The following SUMF1 variants were observed in gnomAD, a reference collection of about 807,000 sequenced individuals.
The protein encoded by SUMF1 is formylglycine-generating enzyme.
Under a neutral mutation model 47.6 loss-of-function variants are expected in SUMF1, and 48 were observed. That is an observed-to-expected ratio of 1.01 (90% CI 0.80 to 1.28). The LOEUF is 1.28. Ranked by LOEUF, SUMF1 falls within the 50% of genes most tolerant of loss-of-function variation. The pLI is 0.00. For synonymous variants in SUMF1, 230 were observed against 192.1 expected (o/e 1.20, Z -1.63); for missense variants, 571 against 485.4 (o/e 1.18, Z -1.66).
intron 8 of SUMF1, among the ~76,000 whole-genome samples, chr3:4,154,826 C>T (rs1277507024): frequency 6.6e-6 from 1 of 151,510 alleles, no homozygotes; most frequent in Non-Finnish European, 1.5e-5. Flanking sequence ...TGGGCAACCA[C>T]CGCATCCCAC....
chr3:4,362,248 A>C lies in SUMF1; in HGVS notation c.1021T>G (p.Cys341Gly), dbSNP rs1167385683. 1.9e-6 allele frequency: 3 copies of C among 1,613,914 alleles called. No individual in the cohort carries two copies. Among genetic ancestry groups the C allele is most frequent in the African/African-American group, 1.3e-5 (1 of 74,928 alleles). ...GGSYMCHRSY[C>G]YRYRCAARSQ... ...CGAGCAGCACAGCGATACCTGTAAC[A>C]ATAAGACTGTGTAGAGAGAAAGAGC... The change falls in exon 9 of 9, where the codon TGT becomes GGT. Residue 341 changes from cysteine to glycine, a missense_variant. Cys to Gly is a radical substitution (Grantham distance 159). Transcript: ENST00000272902.
At chr3:4,399,646 G>A (rs1701145028) in intron 7 of SUMF1, among the ~76,000 whole-genome samples, 1 of 152,180 alleles carries the variant, frequency 6.6e-6, no homozygotes, top group South Asian at 2.1e-4. Context: ...TCCAGGGAGA[G>A]CCCAGGTCAT....
chr3:4,184,544 G>GTGACC (rs1695161478), intron 8 of SUMF1, among the ~76,000 whole-genome samples: 1 of 151,972 alleles, frequency 6.6e-6, no homozygotes, highest in Non-Finnish European at 1.5e-5. Context: ...CAACGATCTT[G>GTGACC]AAGGTCATTT....
chr3:4,389,114 C>T (rs1392846063), intron 7 of SUMF1, among the ~76,000 whole-genome samples: 1 of 152,144 alleles, frequency 6.6e-6, no homozygotes, highest in Non-Finnish European at 1.5e-5. Flanking sequence ...TGTTTAAGAA[C>T]ATTCCTTTAG....
chr3:4,333,495 G>A (rs1430033469), intron 8 of SUMF1, among the ~76,000 whole-genome samples: 1 of 152,144 alleles, frequency 6.6e-6, no homozygotes, highest in Non-Finnish European at 1.5e-5. Flanking sequence ...GTGAGAAGCA[G>A]GTATAGCTGG....
intron 8 of SUMF1, among the ~76,000 whole-genome samples, chr3:4,226,264 C>CTT (rs869300368): frequency 0.015 from 1,288 of 86,964 alleles, no homozygotes; most frequent in Non-Finnish European, 0.02. Context: ...TTTTTTGTTT[C>CTT]TTTTTTTTTT....
chr3:4,063,046 A>T (rs1007553847), intron 9 of SUMF1, among the ~76,000 whole-genome samples: 3 of 152,172 alleles, frequency 2.0e-5, no homozygotes, highest in African/African-American at 7.2e-5. Flanking sequence ...TGCATTTTCA[A>T]TGCTTTATTT....
chr3:4,165,546 A>G (rs1249449995), intron 8 of SUMF1, among the ~76,000 whole-genome samples: 2 of 152,058 alleles, frequency 1.3e-5, no homozygotes, highest in African/African-American at 2.4e-5. Flanking sequence ...AACTTTGCAT[A>G]GTTGTGGATT....
intron 8 of SUMF1, among the ~76,000 whole-genome samples, chr3:4,227,339 C>T (rs1481017527): frequency 6.6e-6 from 1 of 151,866 alleles, no homozygotes; most frequent in African/African-American, 2.4e-5. Flanking sequence ...CAGAAGCACA[C>T]AGTAGGTGTT....
intron 8 of SUMF1, among the ~76,000 whole-genome samples, chr3:4,218,362 G>C (rs1056481912): frequency 6.6e-6 from 1 of 152,110 alleles, no homozygotes; most frequent in Admixed American, 6.6e-5. Context: ...TAGGTGGTGG[G>C]GGAAAAGTTA....
intron 8 of SUMF1, among the ~76,000 whole-genome samples, chr3:4,242,794 A>C (rs997581912): frequency 3.3e-5 from 5 of 152,176 alleles, no homozygotes; most frequent in Non-Finnish European, 7.3e-5. Flanking sequence ...TTATAAAATG[A>C]GTTAGGGAGG....
chr3:4,127,770 A>AATTT (rs1314928882), intron 8 of SUMF1, among the ~76,000 whole-genome samples: 1 of 152,116 alleles, frequency 6.6e-6, no homozygotes, highest in Non-Finnish European at 1.5e-5. Flanking sequence ...TTCTAGACGA[A>AATTT]CAGAATATAA....
chr3:4,217,279 C>A (rs1316281556), intron 8 of SUMF1, among the ~76,000 whole-genome samples: 1 of 150,852 alleles, frequency 6.6e-6, no homozygotes, highest in Non-Finnish European at 1.5e-5. Flanking sequence ...AAACCAAACA[C>A]CACATGTTCT....
At chr3:4,118,693 A>G (rs998265577) in intron 8 of SUMF1, among the ~76,000 whole-genome samples, 3 of 152,224 alleles carry the variant, frequency 2.0e-5, no homozygotes, top group Admixed American at 6.5e-5. Flanking sequence ...GCAGTTTCCA[A>G]TACTCATGCT....
chr3:4,263,215 A>C (rs1187164443), intron 8 of SUMF1, among the ~76,000 whole-genome samples: 4 of 152,118 alleles, frequency 2.6e-5, no homozygotes, highest in Non-Finnish European at 5.9e-5. Context: ...CCATGTGTAT[A>C]ATCTCATGTG....
intron 1 of SUMF1, among the ~76,000 whole-genome samples, chr3:4,459,146 G>A (rs1444995138): frequency 6.6e-6 from 1 of 152,096 alleles, no homozygotes; most frequent in East Asian, 1.9e-4. Flanking sequence ...ACTATAATAA[G>A]TAATGCATTA....
intron 8 of SUMF1, among the ~76,000 whole-genome samples, chr3:4,355,453 G>A (rs1006484396): frequency 1.3e-5 from 2 of 152,170 alleles, no homozygotes; most frequent in Non-Finnish European, 2.9e-5. Flanking sequence ...TTTGGCAAAG[G>A]TGTAGAGCAG....
chr3:4,441,928 T>G (rs916327258), intron 3 of SUMF1, among the ~76,000 whole-genome samples: 2 of 152,198 alleles, frequency 1.3e-5, no homozygotes, highest in Admixed American at 6.5e-5. Flanking sequence ...CCAGGAACAA[T>G]GTGCACAGCA....
At chr3:4,339,082 A>C in intron 8 of SUMF1, among the ~76,000 whole-genome samples, 1 of 152,134 alleles carries the variant, frequency 6.6e-6, no homozygotes, top group African/African-American at 2.4e-5. Context: ...CTACTTCCTC[A>C]GCAATATCCC....
Sources: gnomAD v4.1 joint callset for allele counts (sites outside exome capture counted in the v4.1 genomes callset) on GRCh38, gnomAD v4.1.1 for gene constraint, MANE v1.5 for transcripts, NCBI Gene and HGNC (gene_info 2026-07-23, HGNC 2026-07-21) for gene names.